NRG3: variants seen among roughly 807,000 people sequenced by gnomAD.
The protein encoded by NRG3 is pro-neuregulin-3, membrane-bound isoform.
In NRG3, 31 loss-of-function variants were observed where a neutral mutation model predicts 66.9. The observed-to-expected ratio is 0.46, with a 90% CI of 0.35 to 0.63. The LOEUF (loss-of-function observed/expected upper bound fraction) is 0.63, where lower values mean the gene tolerates loss of function less well. Ranked by LOEUF, NRG3 falls within the 20% of genes least tolerant of loss-of-function variation. The pLI, the probability that NRG3 is intolerant of heterozygous loss-of-function variation, is 0.00. For missense variants in NRG3, 910 were observed against 878.9 expected, an observed-to-expected ratio of 1.04 and a Z score of -0.45; for synonymous variants, 393 against 359.4, an observed-to-expected ratio of 1.09 and a Z score of -1.06.
At chr10:82,535,215 A>G (rs1408780556) in intron 2 of NRG3, among the ~76,000 whole-genome samples, 2 of 149,468 alleles carry the variant, frequency 1.3e-5, no homozygotes, top group African/African-American at 5.0e-5. Flanking sequence ...TCCTTATATC[A>G]AAGCATAATC....
rs914434423 is a variant in NRG3, at chr10:82,018,804, G to C, written c.823+142641G>C. Among the ~76,000 whole-genome samples the C allele has an allele frequency of 2.0e-5, 3 of 152,256 alleles. No homozygotes were observed. The South Asian group carries it at 6.2e-4, about 32-fold the overall frequency. ...TGATTTTGTATCCTGAGACTTTGCT[G>C]AAGTTGCTTATCAGCTTAAGGAGAT... On this transcript the variant is annotated intron_variant, in intron 1 of 8. Coordinates refer to ENST00000372141, the MANE Select transcript of NRG3 (RefSeq NM_001010848.4).
At chr10:82,697,865 C>T (rs1189817289) in intron 2 of NRG3, among the ~76,000 whole-genome samples, 2 of 152,136 alleles carry the variant, frequency 1.3e-5, no homozygotes, top group Admixed American at 6.5e-5. Flanking sequence ...TTCTGGGACC[C>T]GTCAGTATCT....
intron 2 of NRG3, among the ~76,000 whole-genome samples, chr10:82,452,557 T>C (rs537861433): frequency 1.3e-5 from 2 of 152,264 alleles, no homozygotes; most frequent in East Asian, 1.9e-4. Context: ...TCATCTCAGA[T>C]AGAGAAATAC....
intron 2 of NRG3, among the ~76,000 whole-genome samples, chr10:82,662,485 C>T (rs2052443629): frequency 6.6e-6 from 1 of 152,120 alleles, no homozygotes; most frequent in Non-Finnish European, 1.5e-5. Context: ...TTGAAATTAT[C>T]AAGGTATTTG....
At chr10:82,014,043 T>C (rs1005264460) in intron 1 of NRG3, among the ~76,000 whole-genome samples, 6 of 152,190 alleles carry the variant, frequency 3.9e-5, no homozygotes, top group African/African-American at 1.2e-4. Flanking sequence ...TACATGCTTT[T>C]CAGGAACTCA....
At chr10:82,216,505 TACAC>T (rs1188137904) in intron 1 of NRG3, among the ~76,000 whole-genome samples, 1 of 148,464 alleles carries the variant, frequency 6.7e-6, no homozygotes, top group South Asian at 2.2e-4. Flanking sequence ...TCTATACATA[TACAC>T]ACACATATAT....
At chr10:82,047,781 C>T (rs1460783390) in intron 1 of NRG3, among the ~76,000 whole-genome samples, 4 of 151,836 alleles carry the variant, frequency 2.6e-5, no homozygotes, top group Admixed American at 2.6e-4. Flanking sequence ...GGACTAAATG[C>T]TCCAATTAAA....
chr10:82,708,897 G>A (rs1310019301), intron 2 of NRG3, among the ~76,000 whole-genome samples: 3 of 151,986 alleles, frequency 2.0e-5, no homozygotes, highest in African/African-American at 7.3e-5. Context: ...CTCTCTCCCT[G>A]CTTACTTTTC....
At chr10:82,561,425 A>G (rs2045035168) in intron 2 of NRG3, among the ~76,000 whole-genome samples, 2 of 152,110 alleles carry the variant, frequency 1.3e-5, no homozygotes. Flanking sequence ...GCTGAGGTGG[A>G]CGGATCCCCT....
At chr10:82,245,887 C>A (rs538475264) in intron 1 of NRG3, among the ~76,000 whole-genome samples, 7 of 151,020 alleles carry the variant, frequency 4.6e-5, no homozygotes, top group African/African-American at 1.7e-4. Context: ...CTCTTGGGTA[C>A]GTTAGAATAC....
At chr10:82,470,932 C>G (rs1455696288) in intron 2 of NRG3, among the ~76,000 whole-genome samples, 2 of 152,156 alleles carry the variant, frequency 1.3e-5, no homozygotes, top group Non-Finnish European at 2.9e-5. Context: ...GTCTGCTGTC[C>G]ACACAATTCC....
chr10:82,615,890 C>A (rs757020634), intron 2 of NRG3, among the ~76,000 whole-genome samples: 23 of 152,198 alleles, frequency 1.5e-4, no homozygotes, highest in South Asian at 1.0e-3. Flanking sequence ...ATTACCTGAC[C>A]TTTTCTTGCA....
intron 1 of NRG3, among the ~76,000 whole-genome samples, chr10:82,057,771 C>T (rs2063921251): frequency 6.6e-6 from 1 of 152,126 alleles, no homozygotes; most frequent in Non-Finnish European, 1.5e-5. Flanking sequence ...AAAGCTAGGA[C>T]CTTCATTCTA....
chr10:82,765,091 G>A (rs1417161291), intron 3 of NRG3, among the ~76,000 whole-genome samples: 1 of 151,940 alleles, frequency 6.6e-6, no homozygotes, highest in Non-Finnish European at 1.5e-5. Context: ...TTTTGGAAAG[G>A]GTTTGAACTA....
chr10:82,233,104 C>T (rs1001569900), intron 1 of NRG3, among the ~76,000 whole-genome samples: 3 of 152,326 alleles, frequency 2.0e-5, no homozygotes, highest in South Asian at 2.1e-4. Flanking sequence ...GTGGCTCACG[C>T]CTGTAATCCC....
intron 1 of NRG3, among the ~76,000 whole-genome samples, chr10:81,954,296 C>A (rs559787402): frequency 6.6e-6 from 1 of 152,170 alleles, no homozygotes; most frequent in East Asian, 1.9e-4. Flanking sequence ...CACTTTGAGC[C>A]TTTTGAATAC....
intron 1 of NRG3, among the ~76,000 whole-genome samples, chr10:82,145,385 T>C (rs762764479): frequency 6.6e-6 from 1 of 152,224 alleles, no homozygotes; most frequent in Non-Finnish European, 1.5e-5. Flanking sequence ...CATATTTGAC[T>C]TTTGCTTTGA....
At chr10:82,649,103 A>G (rs922524824) in intron 2 of NRG3, among the ~76,000 whole-genome samples, 6 of 152,168 alleles carry the variant, frequency 3.9e-5, no homozygotes, top group Admixed American at 6.6e-5. Context: ...TATTCAACAT[A>G]GTGTTGGAAG....
At chr10:82,306,264 A>G (rs1333789973) in intron 1 of NRG3, among the ~76,000 whole-genome samples, 1 of 152,196 alleles carries the variant, frequency 6.6e-6, no homozygotes, top group South Asian at 2.1e-4. Flanking sequence ...GGGCTTTCAC[A>G]TTACAATTAT....
Sources: gnomAD v4.1 joint callset for allele counts (sites outside exome capture counted in the v4.1 genomes callset) on GRCh38, gnomAD v4.1.1 for gene constraint, MANE v1.5 for transcripts, NCBI Gene and HGNC (gene_info 2026-07-23, HGNC 2026-07-21) for gene names.